Variants in TBX18 observed in about 807,000 individuals in gnomAD.
TBX18 encodes the protein T-box transcription factor TBX18.
Under a neutral mutation model 55.0 loss-of-function variants are expected in TBX18, and 21 were observed. That is an observed-to-expected ratio of 0.38 (90% CI 0.27 to 0.55). The LOEUF is 0.55. TBX18 is among the 20% of genes least tolerant of loss of function. The pLI is 0.73. For missense variants in TBX18, 840 were observed against 799.6 expected (o/e 1.05, Z -0.61); for synonymous variants, 342 against 326.1 (o/e 1.05, Z -0.53).
chr6:84,763,113 G>A (rs569666523), intron 1 of TBX18: 145 of 397,004 alleles, frequency 3.7e-4, no homozygotes, highest in South Asian at 2.2e-3. Flanking sequence ...AGGAGCTCCC[G>A]GGTCCAGAGT....
Position 84,736,947 on chromosome 6 carries a change from A to C in TBX18, c.1562T>G (p.Phe521Cys). 6.2e-7 allele frequency: 1 copy of C among 1,609,118 alleles called. No homozygotes were observed. The highest frequency in any genetic ancestry group is 1.3e-5 in the African/African-American group (1 of 74,938). Reference protein sequence around the residue: ...NQTHQGSYNTFRLHSPCALYG... With the variant: ...NQTHQGSYNTCRLHSPCALYG... ...TAGTGCACAGGGGCTGTGTAATCTA[A>C]AAGTATTATAGGAACCCTGATGGGT... The change falls in exon 8 of 8, where the codon TTT (phenylalanine) becomes TGT (cysteine). Residue 521 changes from phenylalanine (F) to cysteine (C), a missense_variant. By Grantham distance (205) the Phe-to-Cys change is radical. Transcript: ENST00000369663.
intron 4 of TBX18, among the ~76,000 whole-genome samples, chr6:84,753,169 TG>T (rs934462089): frequency 2.0e-4 from 31 of 152,218 alleles, no homozygotes; most frequent in Non-Finnish European, 8.8e-5. Context: ...TGTGGAGTGC[TG>T]GAACATTTCC....
At chr6:84,754,929 G>A (rs146861293) in intron 4 of TBX18, among the ~76,000 whole-genome samples, 2 of 152,256 alleles carry the variant, frequency 1.3e-5, no homozygotes, top group African/African-American at 2.4e-5. Flanking sequence ...TCTCCAGGTG[G>A]CTGTGCAGAT....
intron 6 of TBX18, chr6:84,741,825 C>T (rs1156823398): frequency 1.3e-5 from 2 of 152,088 alleles, no homozygotes; most frequent in Admixed American, 6.6e-5. Flanking sequence ...TCCAAACAAC[C>T]GTGCCCTCCA....
At chr6:84,759,321 C>G (rs1466301272) in intron 3 of TBX18, among the ~76,000 whole-genome samples, 1 of 152,026 alleles carries the variant, frequency 6.6e-6, no homozygotes, top group Non-Finnish European at 1.5e-5. Context: ...AAAGCGACTC[C>G]TTAAATTGTT....
At chr6:84,756,136 G>A (rs1026943231) in intron 4 of TBX18, among the ~76,000 whole-genome samples, 2 of 152,156 alleles carry the variant, frequency 1.3e-5, no homozygotes, top group African/African-American at 4.8e-5. Flanking sequence ...AAAAATGACT[G>A]CATTATTGGA....
chr6:84,754,597 G>A (rs2127878731), intron 4 of TBX18, among the ~76,000 whole-genome samples: 2 of 152,258 alleles, frequency 1.3e-5, no homozygotes, highest in East Asian at 3.9e-4. Context: ...TTAAGTAACT[G>A]AATTTCATTT....
intron 4 of TBX18, among the ~76,000 whole-genome samples, chr6:84,749,018 TA>T (rs1322144643): frequency 2.0e-5 from 3 of 152,140 alleles, no homozygotes; most frequent in African/African-American, 7.2e-5. Flanking sequence ...TAAAACTACA[TA>T]AAAATAGAGT....
At position 84,764,183 on chromosome 6, in the gene TBX18, C is replaced by T. The variant is rs763772808; in HGVS notation, c.-2G>A. The T allele has an allele frequency of 5.5e-6, 8 of 1,449,026 alleles. No individual in the cohort carries two copies. Among genetic ancestry groups the T allele is most frequent in the Admixed American group, 5.3e-5 (2 of 37,662 alleles). 89.8% of individuals were successfully genotyped at this position (1,449,026 alleles called of 1,614,324 possible). A position where few individuals can be genotyped will look rare whatever the true frequency, so the allele number is the denominator to read the frequency against. ...CGAGCCCCTTCGCTTCTCGGCCATC[C>T]CCCCCGCCCCGCGCCCGCCCGCCCC... is the stretch of plus-strand genomic sequence containing the variant. On this transcript the variant is annotated 5_prime_UTR_variant, in exon 1 of 8. Coordinates refer to ENST00000369663, the MANE Select transcript of TBX18 (RefSeq NM_001080508.3).
At position 84,738,492 on chromosome 6, in the gene TBX18, G is replaced by C. The variant is rs1399001915; in HGVS notation, c.1099+5C>G. 7 of 1,613,192 alleles carry C rather than the reference G, an allele frequency of 4.3e-6. No individual in the cohort carries two copies. The highest frequency in any genetic ancestry group is 5.1e-6 in the Non-Finnish European group (6 of 1,179,178). ...ATATATGACCCAGGAGACTTTGTGAGTTACCTTGCTTGGGAATTCCAGGGA... is the reference window on the plus strand; with the variant it reads ...ATATATGACCCAGGAGACTTTGTGACTTACCTTGCTTGGGAATTCCAGGGA... On this transcript the variant is annotated splice_donor_5th_base_variant and intron_variant, in intron 7 of 7. Transcript: ENST00000369663.
chr6:84,763,042 C>T (rs1476593797), intron 1 of TBX18: 7 of 525,256 alleles, frequency 1.3e-5, no homozygotes, highest in African/African-American at 3.9e-5. Flanking sequence ...AGGGCCAAGG[C>T]CCCAGCAGAA....
At position 84,736,985 on chromosome 6, in the gene TBX18, G is replaced by A. The variant is rs114400107; in HGVS notation, c.1524C>T (p.Phe508=). The A allele has an allele frequency of 1.8e-4, 285 of 1,611,858 alleles. No individual in the cohort carries two copies. The highest frequency in any genetic ancestry group is 5.4e-4 in the East Asian group (24 of 44,844). Residue 508 remains phenylalanine, a synonymous_variant, in exon 8 of 8, where the codon TTC becomes TTT. Coordinates refer to ENST00000369663, the MANE Select transcript of TBX18 (RefSeq NM_001080508.3). Reference sequence around the variant, plus strand: ...AACCCTGATGGGTCTGGTTAGTGGCGAAGGCATTGCTGGAGGGTGATGGCA... The same window carrying A: ...AACCCTGATGGGTCTGGTTAGTGGCAAAGGCATTGCTGGAGGGTGATGGCA... ...YIMPSPSSNA[F]ATNQTHQGSY...
At chr6:84,746,944 G>A (rs1021515045) in intron 5 of TBX18, among the ~76,000 whole-genome samples, 1 of 151,664 alleles carries the variant, frequency 6.6e-6, no homozygotes, top group African/African-American at 2.4e-5. Context: ...ATAAAAGAGT[G>A]GCAACATGAG....
intron 4 of TBX18, among the ~76,000 whole-genome samples, chr6:84,755,499 C>T (rs1767463460): frequency 6.6e-6 from 1 of 152,062 alleles, no homozygotes; most frequent in Non-Finnish European, 1.5e-5. Context: ...CACTGAATTC[C>T]TGTGAAAAAT....
chr6:84,761,346 A>T (rs933549397), intron 2 of TBX18, among the ~76,000 whole-genome samples: 1 of 152,062 alleles, frequency 6.6e-6, no homozygotes, highest in Admixed American at 6.6e-5. Context: ...AAAGTCTATT[A>T]CTCCTAACTA....
At position 84,763,938 on chromosome 6, in the gene TBX18, T is replaced by A; in HGVS notation, c.244A>T (p.Thr82Ser). 1 of 1,578,694 alleles carries A rather than the reference T, an allele frequency of 6.3e-7. No homozygotes were observed. Among genetic ancestry groups the A allele is most frequent in the Non-Finnish European group, 8.6e-7 (1 of 1,168,182 alleles). ...GAALPPPAGA[T>S]SGPARSGADL... is the part of the protein sequence containing the mutation. ...GCGCCACTCCGAGCCGGCCCAGACGTCGCCCCAGCCGGCGGCGGGAGCGCA... is the reference window on the plus strand; with the variant it reads ...GCGCCACTCCGAGCCGGCCCAGACGACGCCCCAGCCGGCGGCGGGAGCGCA... The change falls in exon 1 of 8, where the codon ACG (threonine) becomes TCG (serine). Residue 82 changes from threonine to serine, a missense_variant. By Grantham distance (58) the Thr-to-Ser change is moderately conservative. Transcript: ENST00000369663.
At position 84,735,549 on chromosome 6, in the gene TBX18, T is replaced by C. The variant is rs77255605; in HGVS notation, c.*1136A>G. The C allele has an allele frequency of 1.3e-5, 2 of 152,306 alleles. No homozygotes were observed. Among genetic ancestry groups the C allele is most frequent in the East Asian group, 3.9e-4 (2 of 5,184 alleles). The allele number at this position is 152,306 out of a possible 1,614,324, so 9.4% of individuals were successfully genotyped here. A position where few individuals can be genotyped will look rare whatever the true frequency, so the allele number is the denominator to read the frequency against. On this transcript the variant is annotated 3_prime_UTR_variant, in exon 8 of 8. Coordinates refer to ENST00000369663, the MANE Select transcript of TBX18 (RefSeq NM_001080508.3). ...TTCCTCACCGTGTTATTTAACACCA[T>C]ACAGGCCTAGGAACTATCTGTTTTG...
At position 84,736,432 on chromosome 6, in the gene TBX18, T is replaced by C. The variant is rs1038992035; in HGVS notation, c.*253A>G. On this transcript the variant is annotated 3_prime_UTR_variant, in exon 8 of 8. Coordinates refer to ENST00000369663, the MANE Select transcript of TBX18 (RefSeq NM_001080508.3). ...CTTAAACATACTACACGCATGCCAA[T>C]ACTCCGTGCAACTGGATGAAACAGG... 9.5e-6 allele frequency: 3 copies of C among 316,334 alleles called. No individual in the cohort carries two copies. Among genetic ancestry groups the C allele is most frequent in the Non-Finnish European group, 1.7e-5 (3 of 177,312 alleles). The allele number at this position is 316,334 out of a possible 1,614,324, so 19.6% of individuals were successfully genotyped here.
chr6:84,755,182 T>C (rs577232539), intron 4 of TBX18, among the ~76,000 whole-genome samples: 12 of 152,266 alleles, frequency 7.9e-5, no homozygotes, highest in African/African-American at 2.9e-4. Context: ...AGATATTAGA[T>C]AGAAAACCAG....
Sources: allele counts gnomAD v4.1 joint callset (sites outside exome capture counted in the v4.1 genomes callset), GRCh38; gene constraint gnomAD v4.1.1; transcripts MANE v1.5; gene names NCBI Gene and HGNC (gene_info 2026-07-23, HGNC 2026-07-21).